Variants in SVOP observed in about 807,000 individuals in gnomAD.
SVOP encodes SV2 related protein, also known as synaptic vesicle 2-related protein.
A neutral mutation model predicts 69.1 loss-of-function variants in SVOP; 17 were observed. That is an observed-to-expected ratio of 0.25 (90% CI 0.17 to 0.37). SVOP has a LOEUF of 0.37. Ranked by LOEUF, SVOP falls within the 10% of genes least tolerant of loss-of-function variation. The pLI, the probability that SVOP is intolerant of heterozygous loss-of-function variation, is 1.00. For synonymous variants in SVOP, 238 were observed against 238.6 expected, an observed-to-expected ratio of 1.00 and a Z score of 0.02; for missense variants, 435 against 597.5, an observed-to-expected ratio of 0.73 and a Z score of 2.84.
intron 1 of SVOP, among the ~76,000 whole-genome samples, chr12:108,992,104 ATC>A (rs2040205553): frequency 6.6e-6 from 1 of 152,166 alleles, no homozygotes; most frequent in Admixed American, 6.5e-5. Context: ...ATTTACCAAT[ATC>A]TGCGTCCTAG....
intron 6 of SVOP, among the ~76,000 whole-genome samples, chr12:108,948,873 G>T (rs1410062792): frequency 6.6e-6 from 1 of 152,140 alleles, no homozygotes; most frequent in Non-Finnish European, 1.5e-5. Context: ...AATTATCATG[G>T]ATGACTTTTA....
chr12:108,971,428 C>CAAAAA (rs563114992), intron 5 of SVOP, among the ~76,000 whole-genome samples: 1 of 142,612 alleles, frequency 7.0e-6, no homozygotes. Flanking sequence ...GACTCCGTCT[C>CAAAAA]AAAAAAAAAA....
chr12:108,952,085 C>T (rs1035605336), intron 6 of SVOP, among the ~76,000 whole-genome samples: 1 of 152,140 alleles, frequency 6.6e-6, no homozygotes, highest in African/African-American at 2.4e-5. Flanking sequence ...GACACATGAG[C>T]AAGTCCCATG....
At chr12:108,988,770 C>CTTTTTTTTTTTTTTTTTTTT (rs758822738) in intron 1 of SVOP, among the ~76,000 whole-genome samples, 1 of 92,182 alleles carries the variant, frequency 1.1e-5, no homozygotes, top group Non-Finnish European at 2.0e-5. Context: ...TCTTTTCTCT[C>CTTTTTTTTTTTTTTTTTTTT]TTTTTTTTTT....
chr12:108,912,857 G>T, intron 15 of SVOP, 116 bp from the exon 16 acceptor site: 6 of 1,054,886 alleles, frequency 5.7e-6, no homozygotes, highest in Non-Finnish European at 8.3e-6. Context: ...TGCTAAAAAG[G>T]ATCTGGTGAT....
chr12:108,986,215 A>C (rs1158310974), intron 1 of SVOP, among the ~76,000 whole-genome samples: 1 of 152,162 alleles, frequency 6.6e-6, no homozygotes, highest in Non-Finnish European at 1.5e-5. Flanking sequence ...TGAAGTTCAT[A>C]TTATTATCAC....
chr12:109,017,941 G>A (rs947301243), intron 1 of SVOP, among the ~76,000 whole-genome samples: 8 of 151,956 alleles, frequency 5.3e-5, no homozygotes, highest in African/African-American at 1.9e-4. Context: ...ATTCATTTAA[G>A]TTTAAATTTA....
Position 109,021,037 on chromosome 12 carries a change from A to C in SVOP, c.-169T>G. 7.4e-6 allele frequency: 4 copies of C among 539,598 alleles called. No individual in the cohort carries two copies. Among genetic ancestry groups the C allele is most frequent in the Non-Finnish European group, 1.3e-5 (4 of 301,462 alleles). The allele number at this position is 539,598 out of a possible 1,614,324, so 33.4% of individuals were successfully genotyped here. ...CGCTGGGGACCAGCCCACGAGACAA[A>C]GCCTCCGCCGCCAGGAGACCGCGGC... is the stretch of plus-strand genomic sequence containing the variant. On this transcript the variant is annotated 5_prime_UTR_variant, in exon 1 of 16. Transcript: ENST00000610966.
At chr12:108,927,241 A>G (rs1010486697) in intron 11 of SVOP, among the ~76,000 whole-genome samples, 1 of 152,162 alleles carries the variant, frequency 6.6e-6, no homozygotes, top group Non-Finnish European at 1.5e-5. Flanking sequence ...CTGACCCAGG[A>G]GTGTTGTGTC....
chr12:108,916,484 G>T (rs1396639352), intron 14 of SVOP, among the ~76,000 whole-genome samples: 1 of 152,198 alleles, frequency 6.6e-6, no homozygotes, highest in Admixed American at 6.5e-5. Context: ...TGTCATGGGG[G>T]TGGGGGTTGC....
rs572801516 is a variant in SVOP, at chr12:108,956,128, G to C, written c.578+4795C>G. ...ATCCTGGCCAACATGGTGAAACCCCGTCTCTACTAAAAATACAAAAAAAAT... is the reference window on the plus strand; with the variant it reads ...ATCCTGGCCAACATGGTGAAACCCCCTCTCTACTAAAAATACAAAAAAAAT... On this transcript the variant is annotated intron_variant, in intron 6 of 15. Coordinates refer to ENST00000610966, the MANE Select transcript of SVOP (RefSeq NM_018711.5). 3.6e-5 allele frequency among the ~76,000 whole-genome samples: 5 copies of C among 139,214 alleles called. No homozygotes were observed. The Admixed American group carries it at 3.9e-4, about 11-fold the overall frequency. 91.3% of individuals were successfully genotyped at this position (139,214 alleles called of 152,430 possible).
At chr12:108,922,265 C>G (rs1417260848) in intron 12 of SVOP, among the ~76,000 whole-genome samples, 1 of 152,152 alleles carries the variant, frequency 6.6e-6, no homozygotes, top group African/African-American at 2.4e-5. Flanking sequence ...TTCTGGCAGG[C>G]TATTATAAAA....
intron 5 of SVOP, among the ~76,000 whole-genome samples, chr12:108,961,903 CA>C (rs1566057993): frequency 6.6e-6 from 1 of 152,130 alleles, no homozygotes; most frequent in Non-Finnish European, 1.5e-5. Flanking sequence ...ATTTTGGCAT[CA>C]TTATTCTAAC....
chr12:108,931,849 A>T (rs1214512785), intron 11 of SVOP, among the ~76,000 whole-genome samples: 1 of 136,990 alleles, frequency 7.3e-6, no homozygotes, highest in Non-Finnish European at 1.6e-5. Context: ...AAAAAAAAAA[A>T]TGCTTCCCGG....
Position 108,938,952 on chromosome 12 carries a change from G to C in SVOP, c.772C>G (p.Leu258Val), listed in dbSNP as rs746451364. The change falls in exon 9 of 16, where the codon CTG becomes GTG. Residue 258 changes from leucine (L) to valine (V), a missense_variant. Transcript: ENST00000610966. ...ACATCATACCTTGCACTTTCAGGCA[G>C]CCACTGGGATGGGGGAGACAGGAAA... ...LLLFAVLCFW[L>V]PESARYDVLS... 8.7e-6 allele frequency: 14 copies of C among 1,613,850 alleles called. No individual in the cohort carries two copies. The highest frequency in any genetic ancestry group is 1.7e-6 in the Non-Finnish European group (2 of 1,179,862).
At chr12:108,938,804 A>G (rs757632156) in intron 9 of SVOP, 23 bp downstream of exon 9, 2 of 1,613,870 alleles carry the variant, frequency 1.2e-6, no homozygotes, top group Non-Finnish European at 1.7e-6. Flanking sequence ...CACATTGCAG[A>G]GTCTATTGGT....
At chr12:108,955,574 A>G (rs1442155861) in intron 6 of SVOP, among the ~76,000 whole-genome samples, 2 of 152,156 alleles carry the variant, frequency 1.3e-5, no homozygotes, top group Non-Finnish European at 2.9e-5. Flanking sequence ...GCTGAGAGCC[A>G]CTCACCATCC....
At position 108,912,339 on chromosome 12, in the gene SVOP, G is replaced by A. The variant is rs917659797; in HGVS notation, c.*196C>T. On this transcript the variant is annotated 3_prime_UTR_variant, in exon 16 of 16. Transcript: ENST00000610966. ...CACCACATATACAGAGAACCCCCTA[G>A]AGCAAACATCTCCCCATCCCTGGGT... The A allele has an allele frequency of 1.4e-6, 2 of 1,443,736 alleles. No individual in the cohort carries two copies. The highest frequency in any genetic ancestry group is 1.8e-6 in the Non-Finnish European group (2 of 1,103,850). The allele number at this position is 1,443,736 out of a possible 1,614,324, so 89.4% of individuals were successfully genotyped here.
chr12:109,009,760 A>G (rs2040330694), intron 1 of SVOP, among the ~76,000 whole-genome samples: 1 of 152,118 alleles, frequency 6.6e-6, no homozygotes, highest in Non-Finnish European at 1.5e-5. Context: ...TCCTAGGGGC[A>G]TCGGCAATGT....
Sources: gnomAD v4.1 joint callset for allele counts (sites outside exome capture counted in the v4.1 genomes callset) on GRCh38, gnomAD v4.1.1 for gene constraint, MANE v1.5 for transcripts, NCBI Gene and HGNC (gene_info 2026-07-23, HGNC 2026-07-21) for gene names.